Variants in DOCK4 observed in about 807,000 individuals in gnomAD.
DOCK4 encodes the protein dedicator of cytokinesis protein 4.
In DOCK4, 97 loss-of-function variants were observed where a neutral mutation model predicts 268.1. That is an observed-to-expected ratio of 0.36 (90% CI 0.31 to 0.43). The LOEUF (loss-of-function observed/expected upper bound fraction) is 0.43. DOCK4 is among the 20% of genes least tolerant of loss of function. The probability of loss-of-function intolerance (pLI) is 1.00; values close to 1 mark genes in which losing one functional copy is unlikely to be tolerated. For missense variants in DOCK4, 2,145 were observed against 2,455.7 expected, an observed-to-expected ratio of 0.87 and a Z score of 2.67; for synonymous variants, 954 against 887.2, an observed-to-expected ratio of 1.08 and a Z score of -1.34.
Position 112,206,326 on chromosome 7 carries a change from T to C in DOCK4, c.-188A>G, listed in dbSNP as rs1189164505. ...GCGTTGACACTGCGCCGCCCGCAGCTCTCCCGGCGGCGGCTGCTCACAGTC... is the reference window on the plus strand; with the variant it reads ...GCGTTGACACTGCGCCGCCCGCAGCCCTCCCGGCGGCGGCTGCTCACAGTC... On this transcript the variant is annotated 5_prime_UTR_variant, in exon 1 of 53. Transcript: ENST00000428084. 1 of 625,922 alleles carries C rather than the reference T, an allele frequency of 1.6e-6. No individual in the cohort carries two copies. Among genetic ancestry groups the C allele is most frequent in the African/African-American group, 1.9e-5 (1 of 52,174 alleles). 38.8% of individuals were successfully genotyped at this position (625,922 alleles called of 1,614,324 possible). A position where few individuals can be genotyped will look rare whatever the true frequency, so the allele number is the denominator to read the frequency against.
intron 1 of DOCK4, among the ~76,000 whole-genome samples, chr7:112,096,093 TAATA>T (rs1211813128): frequency 5.9e-5 from 9 of 152,088 alleles, no homozygotes; most frequent in Admixed American, 4.6e-4. Context: ...CTTTGTCTCG[TAATA>T]AATAAATAAA....
At chr7:111,806,186 G>A (rs1347928174) in intron 30 of DOCK4, among the ~76,000 whole-genome samples, 2 of 152,150 alleles carry the variant, frequency 1.3e-5, no homozygotes, top group Admixed American at 6.5e-5. Flanking sequence ...TTCTCTTACA[G>A]CATTCAAATT....
intron 1 of DOCK4, among the ~76,000 whole-genome samples, chr7:112,141,326 T>C (rs747566733): frequency 1.3e-5 from 2 of 152,216 alleles, no homozygotes; most frequent in Non-Finnish European, 2.9e-5. Flanking sequence ...TGGTTCACTA[T>C]ATGTGTCAGC....
At chr7:112,046,774 T>C (rs1182057566) in intron 1 of DOCK4, among the ~76,000 whole-genome samples, 3 of 152,188 alleles carry the variant, frequency 2.0e-5, no homozygotes, top group Non-Finnish European at 2.9e-5. Flanking sequence ...GTGAGCCCTA[T>C]GATTGCCCCA....
intron 26 of DOCK4, among the ~76,000 whole-genome samples, chr7:111,832,647 C>A (rs2134016866): frequency 6.6e-6 from 1 of 152,270 alleles, no homozygotes; most frequent in South Asian, 2.1e-4. Context: ...CCCACCTCAG[C>A]CTCCCAAATA....
At chr7:111,793,789 G>A (rs986644280) in intron 30 of DOCK4, among the ~76,000 whole-genome samples, 3 of 152,194 alleles carry the variant, frequency 2.0e-5, no homozygotes, top group African/African-American at 4.8e-5. Flanking sequence ...GCCAAGGCAG[G>A]AGAATCGCTT....
chr7:111,921,528 A>G (rs1394843946), intron 12 of DOCK4, among the ~76,000 whole-genome samples: 2 of 152,222 alleles, frequency 1.3e-5, no homozygotes, highest in African/African-American at 4.8e-5. Context: ...ACATGTAGCT[A>G]CGAATGCACA....
chr7:111,846,911 T>G, intron 24 of DOCK4, 88 bp downstream of exon 24: 3 of 1,435,910 alleles, frequency 2.1e-6, no homozygotes, highest in South Asian at 3.3e-5. Flanking sequence ...AGGCTTCCTC[T>G]TTAGTGCGGT....
At chr7:111,987,328 G>A (rs188393628) in intron 6 of DOCK4, among the ~76,000 whole-genome samples, 2 of 152,158 alleles carry the variant, frequency 1.3e-5, no homozygotes, top group East Asian at 3.9e-4. Flanking sequence ...TCATAAAACT[G>A]AAGAAGTATC....
At chr7:112,093,761 T>C (rs181825854) in intron 1 of DOCK4, among the ~76,000 whole-genome samples, 18 of 152,052 alleles carry the variant, frequency 1.2e-4, no homozygotes, top group Admixed American at 9.2e-4. Context: ...CCATCTAATA[T>C]AAAGTTAGCT....
At chr7:111,938,497 C>T (rs1393731182) in intron 11 of DOCK4, among the ~76,000 whole-genome samples, 1 of 152,152 alleles carries the variant, frequency 6.6e-6, no homozygotes, top group Non-Finnish European at 1.5e-5. Flanking sequence ...AGTGTGGAAA[C>T]CCTAATAAGT....
At chr7:112,115,640 TCCATCCATCCAC>T (rs1254579299) in intron 1 of DOCK4, among the ~76,000 whole-genome samples, 4 of 151,302 alleles carry the variant, frequency 2.6e-5, no homozygotes, top group Middle Eastern at 3.4e-3. Flanking sequence ...CATTCATCCA[TCCATCCATCCAC>T]CCATCCATCC....
intron 24 of DOCK4, among the ~76,000 whole-genome samples, chr7:111,845,153 G>A (rs1038474530): frequency 1.6e-4 from 25 of 152,182 alleles, no homozygotes; most frequent in Admixed American, 1.6e-3. Context: ...GACTAACTCA[G>A]AACACCAGCG....
intron 35 of DOCK4, among the ~76,000 whole-genome samples, chr7:111,782,268 C>G (rs759975426): frequency 6.6e-6 from 1 of 152,136 alleles, no homozygotes; most frequent in Non-Finnish European, 1.5e-5. Flanking sequence ...GTTATCCTTA[C>G]AGAATGTTTA....
rs568995805 is a variant in DOCK4 at position 112,015,868 on chromosome 7, G to C, written c.38-11737C>G. ...TCTGCTTTGTCTTCACATGGTGGAAGGACGAAGAACATGAGTGTAAACTAC... is the reference window on the plus strand; with the variant it reads ...TCTGCTTTGTCTTCACATGGTGGAACGACGAAGAACATGAGTGTAAACTAC... On this transcript the variant is annotated intron_variant, in intron 1 of 52. Transcript: ENST00000428084. 2.2e-3 allele frequency among the ~76,000 whole-genome samples: 341 copies of C among 152,278 alleles called. 3 individuals carry two copies. The highest frequency in any genetic ancestry group is 7.7e-3 in the African/African-American group (320 of 41,562).
chr7:111,945,684 A>G, intron 9 of DOCK4, 33 bp downstream of exon 9: 2 of 1,515,534 alleles, frequency 1.3e-6, no homozygotes, highest in Non-Finnish European at 1.8e-6. Flanking sequence ...AACTGGATGA[A>G]TCTGCCTTAT....
intron 1 of DOCK4, among the ~76,000 whole-genome samples, chr7:112,032,001 A>G (rs1484820690): frequency 6.6e-6 from 1 of 152,202 alleles, no homozygotes; most frequent in Non-Finnish European, 1.5e-5. Context: ...CATTATCTCC[A>G]TAGGAACAAA....
chr7:112,129,390 TATAAAGGGGCAGC>T (rs957209250), intron 1 of DOCK4, among the ~76,000 whole-genome samples: 3 of 152,162 alleles, frequency 2.0e-5, no homozygotes. Context: ...TGGGTACACC[TATAAAGGGGCAGC>T]ATAAGGGAAG....
At chr7:111,807,000 G>T (rs1800723208) in intron 30 of DOCK4, among the ~76,000 whole-genome samples, 1 of 152,196 alleles carries the variant, frequency 6.6e-6, no homozygotes. Context: ...GAGATTACAT[G>T]TGACAGCTTT....
Sources: allele counts gnomAD v4.1 joint callset (sites outside exome capture counted in the v4.1 genomes callset), GRCh38; gene constraint gnomAD v4.1.1; transcripts MANE v1.5; gene names NCBI Gene and HGNC (gene_info 2026-07-23, HGNC 2026-07-21).